Variants in HMGA2 observed in about 807,000 individuals in gnomAD.
The protein encoded by HMGA2 is high mobility group protein HMGI-C.
A neutral mutation model predicts 19.1 loss-of-function variants in HMGA2; 8 were observed. That is an observed-to-expected ratio of 0.42 (90% confidence interval 0.25 to 0.76). HMGA2 has a LOEUF of 0.76. HMGA2 is among the 30% of genes least tolerant of loss of function. The pLI, the probability that HMGA2 is intolerant of heterozygous loss-of-function variation, is 0.28. For missense variants in HMGA2, 109 were observed against 136.3 expected (o/e 0.80, Z 1.00); for synonymous variants, 60 against 48.8 (o/e 1.23, Z -0.96).
chr12:65,933,758 G>A (rs1481741447), intron 3 of HMGA2, among the ~76,000 whole-genome samples: 1 of 152,124 alleles, frequency 6.6e-6, no homozygotes, highest in South Asian at 2.1e-4. Context: ...ACTCTATAAG[G>A]AGTAAGCAAC....
At chr12:65,951,721 C>A in intron 4 of HMGA2, 1 of 241,178 alleles carries the variant, frequency 4.1e-6, no homozygotes, top group Non-Finnish European at 7.9e-6. Flanking sequence ...TATATTTTAC[C>A]AATTCTTAAA....
chr12:65,888,177 T>C (rs1873739187), intron 3 of HMGA2, among the ~76,000 whole-genome samples: 2 of 152,036 alleles, frequency 1.3e-5, no homozygotes, highest in South Asian at 4.2e-4. Context: ...TCAAACCGAC[T>C]GAGTGCAGTG....
intron 2 of HMGA2, among the ~76,000 whole-genome samples, chr12:65,836,354 G>T (rs371732269): frequency 1.4e-5 from 2 of 142,578 alleles, no homozygotes; most frequent in Non-Finnish European, 3.0e-5. Flanking sequence ...GCGAGACTCC[G>T]TCTCAAAAAG....
In HMGA2 at chr12:65,825,799, C is replaced by T. The variant is rs920794571; in HGVS notation, c.111+418C>T. Among the ~76,000 whole-genome samples the T allele has an allele frequency of 1.4e-4, 22 of 152,178 alleles. No homozygotes were observed. In the East Asian group the frequency reaches 4.3e-3, roughly 30 times the overall value. On this transcript the variant is annotated intron_variant, in intron 1 of 4. Coordinates refer to ENST00000403681, the MANE Select transcript of HMGA2 (RefSeq NM_003483.6). This position sits in a 1 kb window ranked among gnomAD's most constrained non-coding sequence, Gnocchi z 4.4. Reference sequence around the variant, plus strand: ...GGTGCCGGGGACCCGGGCGCTTCGGCCGATCTGGGCTGAAGGGGCTAGAGT... The same window carrying T: ...GGTGCCGGGGACCCGGGCGCTTCGGTCGATCTGGGCTGAAGGGGCTAGAGT...
chr12:65,956,661 A>G (rs1876614313), intron 4 of HMGA2: 1 of 152,200 alleles, frequency 6.6e-6, no homozygotes, highest in Non-Finnish European at 1.5e-5. Context: ...TAAAACTCCA[A>G]AAAGCAAAAT....
rs867997883 is a variant in HMGA2 at position 65,825,512 on chromosome 12, G to T, written c.111+131G>T. On this transcript the variant is annotated intron_variant, in intron 1 of 4. Coordinates refer to ENST00000403681, the MANE Select transcript of HMGA2 (RefSeq NM_003483.6). The surrounding 1 kb of genome is among the most constrained non-coding windows in gnomAD (Gnocchi z 4.4). ...TCGCACACTGCCCGCCGGCCGGCCG[G>T]GGGGAGCGGCGCAGACCCCACGAGT... 2.5e-4 allele frequency: 112 copies of T among 441,750 alleles called. 1 individual carries two copies. The Middle Eastern group carries it at 4.3e-3, about 17-fold the overall frequency. 27.4% of individuals were successfully genotyped at this position (441,750 alleles called of 1,614,324 possible).
intron 3 of HMGA2, among the ~76,000 whole-genome samples, chr12:65,851,985 G>A (rs1473054374): frequency 6.6e-6 from 1 of 151,908 alleles, no homozygotes; most frequent in Non-Finnish European, 1.5e-5. Flanking sequence ...TGTCTGGGTT[G>A]TGGTCAGAAT....
chr12:65,919,730 G>A (rs555481079), intron 3 of HMGA2, among the ~76,000 whole-genome samples: 1 of 152,282 alleles, frequency 6.6e-6, no homozygotes, highest in South Asian at 2.1e-4. Context: ...GACATGCAGT[G>A]GAATCAAATA....
chr12:65,830,520 C>A (rs1468628093), intron 2 of HMGA2, among the ~76,000 whole-genome samples: 2 of 151,792 alleles, frequency 1.3e-5, no homozygotes, highest in African/African-American at 4.8e-5. Context: ...AAATACATTG[C>A]AAAGACTGGT....
intron 2 of HMGA2, among the ~76,000 whole-genome samples, chr12:65,830,124 TA>T (rs1870414146): frequency 1.3e-5 from 2 of 151,964 alleles, no homozygotes; most frequent in Non-Finnish European, 2.9e-5. Flanking sequence ...CATTTGCCCA[TA>T]ACATGACTTA....
At chr12:65,854,359 C>A (rs1025327078) in intron 3 of HMGA2, among the ~76,000 whole-genome samples, 1 of 152,200 alleles carries the variant, frequency 6.6e-6, no homozygotes, top group African/African-American at 2.4e-5. Context: ...CTTTCAGAGA[C>A]GTGCCTTGTG....
At chr12:65,867,156 G>A (rs1396274092) in intron 3 of HMGA2, among the ~76,000 whole-genome samples, 1 of 152,140 alleles carries the variant, frequency 6.6e-6, no homozygotes, top group African/African-American at 2.4e-5. Flanking sequence ...ACTAAATTGA[G>A]GGCCTGCCAT....
chr12:65,915,138 T>C (rs773044960), intron 3 of HMGA2: 12 of 1,613,642 alleles, frequency 7.4e-6, no homozygotes, highest in Non-Finnish European at 9.3e-6. Flanking sequence ...TGAATTGTCA[T>C]TGGAGGAGTC....
chr12:65,854,819 A>T lies in HMGA2; in HGVS notation c.249+16250A>T, dbSNP rs79612441. 4.3e-4 allele frequency among the ~76,000 whole-genome samples: 66 copies of T among 152,350 alleles called. No individual in the cohort carries two copies. In the East Asian group the frequency reaches 0.012, roughly 28 times the overall value. On this transcript the variant is annotated intron_variant, in intron 3 of 4. Transcript: ENST00000403681. Reference sequence around the variant, plus strand: ...CACTAAATTTGTCTTCTCTAAGTACACAAGAACTTTGCATGACTGTAGGAA... The same window carrying T: ...CACTAAATTTGTCTTCTCTAAGTACTCAAGAACTTTGCATGACTGTAGGAA...
At chr12:65,896,552 TTCC>T (rs1450669240) in intron 3 of HMGA2, among the ~76,000 whole-genome samples, 3 of 152,220 alleles carry the variant, frequency 2.0e-5, no homozygotes, top group African/African-American at 7.2e-5. Flanking sequence ...TTTTTCCTTC[TTCC>T]TCCTCTTCTC....
chr12:65,939,431 C>T (rs915144207), intron 3 of HMGA2, among the ~76,000 whole-genome samples: 1 of 152,036 alleles, frequency 6.6e-6, no homozygotes, highest in Admixed American at 6.6e-5. Context: ...TCTCGGCTCA[C>T]TGCAACCTCC....
intron 3 of HMGA2, among the ~76,000 whole-genome samples, chr12:65,887,176 G>C (rs1028896420): frequency 6.6e-6 from 1 of 152,178 alleles, no homozygotes; most frequent in Admixed American, 6.5e-5. Flanking sequence ...AAAGACAAAA[G>C]AGTTTGATGA....
rs371533753 is a variant in HMGA2 at position 65,905,138 on chromosome 12, G to C, written c.250-46245G>C. Among the ~76,000 whole-genome samples, 17 of 151,828 alleles carry C rather than the reference G, an allele frequency of 1.1e-4. No homozygotes were observed. The South Asian group carries it at 2.9e-3, about 26-fold the overall frequency. The stretch of plus-strand genomic sequence containing the variant: ...CTAATTTTTATTTCTTAGAGGTGTG[G>C]CTTTCTGATTATTTTGGGAGTAGGT... On this transcript the variant is annotated intron_variant, in intron 3 of 4. Coordinates refer to ENST00000403681, the MANE Select transcript of HMGA2 (RefSeq NM_003483.6).
rs542524707 is a variant in HMGA2, at chr12:65,825,404, G to A, written c.111+23G>A. ...CAAGTCAGTACGAGGGCGCGGTGGG[G>A]GCACCAGCCCACCCCGTCCCCACTG... On this transcript the variant is annotated intron_variant, in intron 1 of 4. Coordinates refer to ENST00000403681, the MANE Select transcript of HMGA2 (RefSeq NM_003483.6). This position sits in a 1 kb window ranked among gnomAD's most constrained non-coding sequence, Gnocchi z 4.4. 4.0e-6 allele frequency: 6 copies of A among 1,484,852 alleles called. No individual in the cohort carries two copies. Among genetic ancestry groups the A allele is most frequent in the South Asian group, 3.7e-5 (3 of 80,344 alleles). The allele number at this position is 1,484,852 out of a possible 1,614,324, so 92.0% of individuals were successfully genotyped here. A position where few individuals can be genotyped will look rare whatever the true frequency, so the allele number is the denominator to read the frequency against.
Sources: gnomAD v4.1 joint callset for allele counts (sites outside exome capture counted in the v4.1 genomes callset) on GRCh38, gnomAD v4.1.1 for gene constraint, Gnocchi (gnomAD v3.1) non-coding constraint, MANE v1.5 for transcripts, NCBI Gene and HGNC (gene_info 2026-07-23, HGNC 2026-07-21) for gene names.